The following GPRC6A variants were observed in gnomAD, a reference collection of about 807,000 sequenced individuals.
GPRC6A encodes G protein-coupled receptor class C group 6 member A.
GPRC6A carries 54 observed loss-of-function variants against 47.0 expected under a neutral mutation model. That is an observed-to-expected ratio of 1.15 (90% CI 0.92 to 1.44). The LOEUF is 1.44. Among genes scored for constraint, GPRC6A ranks in the 40% most tolerant of loss-of-function variants. The pLI, the probability that GPRC6A is intolerant of heterozygous loss-of-function variation, is 0.00. For missense variants in GPRC6A, 1,112 were observed against 1,105.5 expected, an observed-to-expected ratio of 1.01 and a Z score of -0.08; for synonymous variants, 347 against 377.1, an observed-to-expected ratio of 0.92 and a Z score of 0.93.
At chr6:116,814,032 A>G (rs916824804) in intron 1 of GPRC6A, among the ~76,000 whole-genome samples, 1 of 152,192 alleles carries the variant, frequency 6.6e-6, no homozygotes, top group African/African-American at 2.4e-5. Context: ...ATCAGAGAAA[A>G]GCAAATCAAA....
chr6:116,828,737 G>A (rs1773747959), intron 1 of GPRC6A, 83 bp downstream of exon 1: 1 of 1,093,250 alleles, frequency 9.1e-7, no homozygotes, highest in Non-Finnish European at 1.3e-6. Context: ...AAATGATTTA[G>A]ATATTAATAC....
At chr6:116,800,129 C>A (rs1275940199) in intron 4 of GPRC6A, among the ~76,000 whole-genome samples, 2 of 152,144 alleles carry the variant, frequency 1.3e-5, no homozygotes, top group East Asian at 3.9e-4. Context: ...CATTAAGAGC[C>A]CACTGGAGGC....
chr6:116,807,760 G>T (rs1772901796), intron 2 of GPRC6A, among the ~76,000 whole-genome samples: 1 of 152,066 alleles, frequency 6.6e-6, no homozygotes, highest in South Asian at 2.1e-4. Flanking sequence ...TTTTAGAAAT[G>T]TAAAAACTAT....
intron 1 of GPRC6A, among the ~76,000 whole-genome samples, chr6:116,819,917 G>A (rs1266016134): frequency 1.3e-5 from 2 of 149,594 alleles, no homozygotes; most frequent in East Asian, 3.9e-4. Flanking sequence ...AATGAATCCA[G>A]GAGCTGGTTT....
Position 116,800,792 on chromosome 6 carries a change from A to G in GPRC6A, c.1340T>C (p.Leu447Pro). ...GAATGTCACATTTTTTAGCACACCA[A>G]GTAACTATAAAAAATAAAAACAGAG... ...NPNAFQPWEL[L>P]GVLKNVTFTD... The change falls in exon 4 of 6, where the codon CTT becomes CCT. Residue 447 changes from leucine to proline, a missense_variant. Transcript: ENST00000310357. 3 of 1,593,796 alleles carry G rather than the reference A, an allele frequency of 1.9e-6. No individual in the cohort carries two copies. The highest frequency in any genetic ancestry group is 2.6e-6 in the Non-Finnish European group (3 of 1,164,264).
In GPRC6A at chr6:116,806,639, CA is replaced by C. The variant is rs1772849650; in HGVS notation, c.1065del (p.His355GlnfsTer18). ...LLPSDSHKLLHEYAMHLSACA... is the reference protein window; with the variant it reads ...LLPSDSHKLLXEYAMHLSACA... ...CAGGCAGATAAATGCATGGCATATTCATGTAAGAGTTTGTGACTGTCACTGG... is the reference window on the plus strand; with the variant it reads ...CAGGCAGATAAATGCATGGCATATTCTGTAAGAGTTTGTGACTGTCACTGG... On this transcript the variant is annotated frameshift_variant, in exon 3 of 6. Transcript: ENST00000310357. LOFTEE classifies it high-confidence loss of function. The C allele has an allele frequency of 9.3e-6, 15 of 1,613,480 alleles. No individual in the cohort carries two copies. In the East Asian group the frequency reaches 3.3e-4, roughly 36 times the overall value.
At chr6:116,799,801 G>T (rs1291267079) in intron 4 of GPRC6A, among the ~76,000 whole-genome samples, 1 of 152,064 alleles carries the variant, frequency 6.6e-6, no homozygotes, top group Non-Finnish European at 1.5e-5. Flanking sequence ...AGGAGAGAGG[G>T]TATAAAATTA....
chr6:116,800,264 T>TCATC (rs1772619533), intron 4 of GPRC6A, among the ~76,000 whole-genome samples: 1 of 112,426 alleles, frequency 8.9e-6, no homozygotes, highest in Non-Finnish European at 1.8e-5. Context: ...CTTCCTTCCT[T>TCATC]CCTCCCTCCC....
intron 1 of GPRC6A, among the ~76,000 whole-genome samples, chr6:116,812,615 TC>T (rs1316904645): frequency 6.6e-6 from 1 of 152,056 alleles, no homozygotes; most frequent in Admixed American, 6.6e-5. Context: ...AGGATTAAAT[TC>T]CCCTCTTAAG....
chr6:116,800,958 G>C (rs1437769324), intron 3 of GPRC6A, among the ~76,000 whole-genome samples, 162 bp from the exon 4 acceptor site: 17 of 152,206 alleles, frequency 1.1e-4, no homozygotes, highest in Admixed American at 1.1e-3. Context: ...GCAACAATTT[G>C]AGAATGAATT....
intron 1 of GPRC6A, 55 bp from the exon 2 acceptor site, chr6:116,809,672 G>A: frequency 7.8e-7 from 1 of 1,280,248 alleles, no homozygotes; most frequent in Non-Finnish European, 1.1e-6. Context: ...TATGGACATG[G>A]CTGTATCTCA....
rs767871818 is a variant in GPRC6A at position 116,800,844 on chromosome 6, A to G, written c.1336-48T>C. On this transcript the variant is annotated intron_variant, in intron 3 of 5. Transcript: ENST00000310357. ...TAAGCACTTAATATAAATGTTGCAA[A>G]TGTATCCATTATTCTAATGATAACA... 1.8e-5 allele frequency: 20 copies of G among 1,131,338 alleles called. No homozygotes were observed. The African/African-American group carries it at 3.1e-4, about 17-fold the overall frequency. The allele number at this position is 1,131,338 out of a possible 1,614,324, so 70.1% of individuals were successfully genotyped here. A position where few individuals can be genotyped will look rare whatever the true frequency, so the allele number is the denominator to read the frequency against.
At chr6:116,817,603 A>C (rs1773271754) in intron 1 of GPRC6A, among the ~76,000 whole-genome samples, 1 of 152,246 alleles carries the variant, frequency 6.6e-6, no homozygotes. Context: ...AGGACATTCA[A>C]ACCAAAGGCA....
At chr6:116,817,597 C>T (rs1773271617) in intron 1 of GPRC6A, among the ~76,000 whole-genome samples, 1 of 152,168 alleles carries the variant, frequency 6.6e-6, no homozygotes, top group African/African-American at 2.4e-5. Context: ...TATGGGAGGA[C>T]ATTCAAACCA....
At chr6:116,798,510 T>A (rs535536213) in intron 4 of GPRC6A, among the ~76,000 whole-genome samples, 1 of 152,078 alleles carries the variant, frequency 6.6e-6, no homozygotes, top group Non-Finnish European at 1.5e-5. Context: ...TGGCTTTTAC[T>A]CTCAGAGAAA....
chr6:116,821,970 G>A lies in GPRC6A; in HGVS notation c.194+6850C>T, dbSNP rs912681150. On this transcript the variant is annotated intron_variant, in intron 1 of 5. Transcript: ENST00000310357. ...TTTCACAACCTACTCATCTGACAAA[G>A]GTCTAATATCCAGAATCTACAATGA... Among the ~76,000 whole-genome samples the A allele has an allele frequency of 2.2e-3, 330 of 147,356 alleles. 15 individuals carry two copies. The South Asian group carries it at 0.069, about 31-fold the overall frequency.
At chr6:116,798,368 G>T (rs980714069) in intron 4 of GPRC6A, among the ~76,000 whole-genome samples, 1 of 152,158 alleles carries the variant, frequency 6.6e-6, no homozygotes, top group African/African-American at 2.4e-5. Flanking sequence ...AAGTCCTTGG[G>T]CTATGAGAAG....
chr6:116,798,815 G>A (rs1456345689), intron 4 of GPRC6A, among the ~76,000 whole-genome samples: 9 of 151,552 alleles, frequency 5.9e-5, no homozygotes, highest in Non-Finnish European at 1.2e-4. Context: ...CCTGGGAGGC[G>A]GAAGTTGCAG....
intron 3 of GPRC6A, among the ~76,000 whole-genome samples, chr6:116,804,852 C>T (rs927478638): frequency 3.9e-5 from 6 of 151,966 alleles, no homozygotes; most frequent in Non-Finnish European, 7.4e-5. Flanking sequence ...AACCATCCCC[C>T]GCTCCACTTT....
Sources: gnomAD v4.1 joint callset for allele counts (sites outside exome capture counted in the v4.1 genomes callset) on GRCh38, gnomAD v4.1.1 for gene constraint, MANE v1.5 for transcripts, NCBI Gene and HGNC (gene_info 2026-07-23, HGNC 2026-07-21) for gene names.